TRIM44: variants seen among roughly 807,000 people sequenced by gnomAD.
TRIM44 encodes tripartite motif-containing protein 44.
TRIM44 carries 13 observed loss-of-function variants against 37.4 expected under a neutral mutation model. The ratio of observed to expected loss-of-function variants is 0.35; its 90% CI spans 0.23 to 0.55. The LOEUF is 0.55. Ranked by LOEUF, TRIM44 falls within the 20% of genes least tolerant of loss-of-function variation. The pLI, the probability that TRIM44 is intolerant of heterozygous loss-of-function variation, is 0.89. For missense variants in TRIM44, 426 were observed against 437.2 expected (o/e 0.97, Z 0.23); for synonymous variants, 175 against 157.2 (o/e 1.11, Z -0.85).
At chr11:35,721,127 C>T (rs1044455259) in intron 2 of TRIM44, among the ~76,000 whole-genome samples, 6 of 152,134 alleles carry the variant, frequency 3.9e-5, no homozygotes, top group Admixed American at 3.9e-4. Flanking sequence ...TGGTCTCAAA[C>T]TCCTGACCTC....
chr11:35,730,702 AT>A (rs1564983444), intron 3 of TRIM44, among the ~76,000 whole-genome samples: 2 of 152,220 alleles, frequency 1.3e-5, no homozygotes, highest in African/African-American at 4.8e-5. Context: ...CATGGTTTTC[AT>A]TTAAAGGTAT....
At position 35,703,038 on chromosome 11, in the gene TRIM44, C is replaced by T. The variant is rs144550911; in HGVS notation, c.747+17702C>T. ...GGGTGACAGACAGCACCTGGAAAAT[C>T]GGGTCACTCCCACCCTAATACCGCG... On this transcript the variant is annotated intron_variant, in intron 2 of 4. Transcript: ENST00000299413. Among the ~76,000 whole-genome samples the T allele has an allele frequency of 1.9e-3, 282 of 152,312 alleles. 2 individuals carry two copies. The highest frequency in any genetic ancestry group is 6.5e-3 in the African/African-American group (271 of 41,574).
At chr11:35,676,855 A>AAG (rs10653374) in intron 1 of TRIM44, among the ~76,000 whole-genome samples, 6,289 of 152,248 alleles carry the variant, frequency 0.041, 326 homozygotes, top group East Asian at 0.14. Flanking sequence ...TTATAAAACC[A>AAG]AGAGTCTAGA....
intron 2 of TRIM44, among the ~76,000 whole-genome samples, chr11:35,701,279 G>C (rs896620081): frequency 6.6e-6 from 1 of 152,068 alleles, no homozygotes; most frequent in African/African-American, 2.4e-5. Context: ...CCCCCGAAAC[G>C]GGGTCTTTTG....
At chr11:35,805,666 G>A (rs1027655212) in intron 4 of TRIM44, among the ~76,000 whole-genome samples, 2 of 152,152 alleles carry the variant, frequency 1.3e-5, no homozygotes, top group Non-Finnish European at 2.9e-5. Context: ...TATGTGCCCA[G>A]CCCAGTGCTA....
chr11:35,735,389 T>C (rs763401325), intron 3 of TRIM44, 37 bp from the exon 4 acceptor site: 1 of 1,611,500 alleles, frequency 6.2e-7, no homozygotes, highest in South Asian at 1.1e-5. Flanking sequence ...GTACCAACAG[T>C]GATTTCTAAT....
chr11:35,742,945 A>G (rs373807565), intron 4 of TRIM44, among the ~76,000 whole-genome samples: 1 of 151,676 alleles, frequency 6.6e-6, no homozygotes, highest in Middle Eastern at 3.4e-3. Flanking sequence ...CCAGCATTCA[A>G]ACTCAAGTAG....
intron 2 of TRIM44, among the ~76,000 whole-genome samples, chr11:35,707,661 G>A (rs1002859567): frequency 1.4e-5 from 2 of 148,098 alleles, no homozygotes; most frequent in African/African-American, 4.9e-5. Context: ...AAGAGATGGG[G>A]AAAGGATTCC....
chr11:35,737,095 C>T (rs1294496383), intron 4 of TRIM44, among the ~76,000 whole-genome samples: 1 of 152,070 alleles, frequency 6.6e-6, no homozygotes, highest in African/African-American at 2.4e-5. Context: ...TAAGGGGAGG[C>T]TTACCAGAAA....
chr11:35,742,503 T>C (rs1387919236), intron 4 of TRIM44, among the ~76,000 whole-genome samples: 3 of 129,872 alleles, frequency 2.3e-5, no homozygotes, highest in Non-Finnish European at 4.7e-5. Context: ...TATAATTATA[T>C]TAAATATAAT....
At chr11:35,704,896 A>T (rs201769763) in intron 2 of TRIM44, among the ~76,000 whole-genome samples, 1,963 of 151,828 alleles carry the variant, frequency 0.013, 142 homozygotes, top group Admixed American at 0.11. Flanking sequence ...GACAGGATCA[A>T]ATTCACACAT....
chr11:35,814,194 A>G lies in TRIM44; in HGVS notation c.*7809A>G, dbSNP rs1179491200. ...TTGAGTGTTACACAATTTAACCTGT[A>G]ATAACAGGTTCTCACTTGTATTTCT... On this transcript the variant is annotated 3_prime_UTR_variant, in exon 5 of 5. Coordinates refer to ENST00000299413, the MANE Select transcript of TRIM44 (RefSeq NM_017583.6). The G allele has an allele frequency of 6.6e-6, 1 of 152,248 alleles. No individual in the cohort carries two copies. The highest frequency in any genetic ancestry group is 1.5e-5 in the Non-Finnish European group (1 of 68,046). 9.4% of individuals were successfully genotyped at this position (152,248 alleles called of 1,614,324 possible). A position where few individuals can be genotyped will look rare whatever the true frequency, so the allele number is the denominator to read the frequency against.
At chr11:35,805,900 G>A (rs2133885962) in intron 4 of TRIM44, among the ~76,000 whole-genome samples, 1 of 152,214 alleles carries the variant, frequency 6.6e-6, no homozygotes, top group Admixed American at 6.5e-5. Flanking sequence ...TTTTTTCCAA[G>A]TGCAGAGTGC....
intron 1 of TRIM44, among the ~76,000 whole-genome samples, 185 bp downstream of exon 1, chr11:35,663,965 T>G (rs1565400148): frequency 6.6e-6 from 1 of 152,194 alleles, no homozygotes; most frequent in Non-Finnish European, 1.5e-5. Flanking sequence ...ATGAAAGTTC[T>G]GGACTCTGAC....
chr11:35,719,297 A>G (rs1399853113), intron 2 of TRIM44, among the ~76,000 whole-genome samples: 1 of 152,054 alleles, frequency 6.6e-6, no homozygotes, highest in African/African-American at 2.4e-5. Context: ...ATGGAATCTC[A>G]CTGTTGTTTT....
intron 2 of TRIM44, among the ~76,000 whole-genome samples, chr11:35,701,323 T>C (rs1564961028): frequency 2.0e-5 from 3 of 152,180 alleles, no homozygotes; most frequent in Non-Finnish European, 4.4e-5. Context: ...TCCCAGGCTG[T>C]TAGAGCTTGA....
At chr11:35,706,334 C>G (rs1851880847) in intron 2 of TRIM44, among the ~76,000 whole-genome samples, 1 of 152,042 alleles carries the variant, frequency 6.6e-6, no homozygotes, top group Admixed American at 6.5e-5. Context: ...ACCAGAGGTA[C>G]AAGGAGTAAA....
chr11:35,800,439 C>T (rs981657132), intron 4 of TRIM44, among the ~76,000 whole-genome samples: 3 of 152,198 alleles, frequency 2.0e-5, no homozygotes, highest in African/African-American at 7.2e-5. Context: ...TTTAGCTAGA[C>T]ACAGAGCACT....
intron 3 of TRIM44, among the ~76,000 whole-genome samples, chr11:35,730,617 C>T (rs1247668012): frequency 6.6e-6 from 1 of 152,130 alleles, no homozygotes; most frequent in Non-Finnish European, 1.5e-5. Context: ...GACACATTAG[C>T]TCTGCAGAAC....
Sources: allele counts gnomAD v4.1 joint callset (sites outside exome capture counted in the v4.1 genomes callset), GRCh38; gene constraint gnomAD v4.1.1; transcripts MANE v1.5; gene names NCBI Gene and HGNC (gene_info 2026-07-23, HGNC 2026-07-21).